The following TRANK1 variants were observed in gnomAD, a reference collection of about 807,000 sequenced individuals.
TRANK1 encodes tetratricopeptide repeat and ankyrin repeat containing 1.
TRANK1 carries 198 observed loss-of-function variants against 266.0 expected under a neutral mutation model. The observed-to-expected ratio is 0.74, with a 90% CI of 0.66 to 0.84. The LOEUF (loss-of-function observed/expected upper bound fraction) is 0.84. Among genes scored for constraint, TRANK1 ranks in the 40% least tolerant of loss-of-function variants. TRANK1 has a pLI of 0.00. For synonymous variants in TRANK1, 1,396 were observed against 1,384.1 expected, an observed-to-expected ratio of 1.01 and a Z score of -0.19; for missense variants, 3,326 against 3,634.6, an observed-to-expected ratio of 0.92 and a Z score of 2.18.
chr3:36,833,742 T>C lies in TRANK1; in HGVS notation c.5841A>G (p.Lys1947=). The change falls in exon 22 of 24, where the codon AAA becomes AAG. Residue 1947 remains lysine, a synonymous_variant. Transcript: ENST00000645898. ...EDQLVFLKSR[K]RLAEAADLLN... Reference sequence around the variant, plus strand: ...GCAGGTCTGCAGCTTCTGCTAAGCGTTTCCGAGACTTCAAGAACACCAGCT... The same window carrying C: ...GCAGGTCTGCAGCTTCTGCTAAGCGCTTCCGAGACTTCAAGAACACCAGCT... 6.2e-7 allele frequency: 1 copy of C among 1,614,020 alleles called. No homozygotes were observed. The highest frequency in any genetic ancestry group is 1.1e-5 in the South Asian group (1 of 91,088).
Position 36,856,238 on chromosome 3 carries a change from C to T in TRANK1, c.3484G>A (p.Ala1162Thr), listed in dbSNP as rs747615611. ...SIDEQEYEAC[A>T]GGAGVEPAGD... ...GCTGGCTCCACACCGGCTCCTCCTG[C>T]GCAGGCTTCATACTCCTGCTCATCT... Residue 1162 changes from alanine (A) to threonine (T), a missense_variant, in exon 13 of 24, where the codon GCA (alanine) becomes ACA (threonine). Transcript: ENST00000645898. 6.3e-5 allele frequency: 101 copies of T among 1,613,204 alleles called. No individual in the cohort carries two copies. The highest frequency in any genetic ancestry group is 5.1e-4 in the East Asian group (23 of 44,854).
intron 2 of TRANK1, among the ~76,000 whole-genome samples, chr3:36,905,427 G>A (rs958226058): frequency 5.9e-5 from 9 of 152,146 alleles, no homozygotes; most frequent in Non-Finnish European, 1.2e-4. Context: ...AAGAAGAGAC[G>A]CTGGAGAGCT....
intron 1 of TRANK1, among the ~76,000 whole-genome samples, chr3:36,908,917 A>G (rs933694908): frequency 6.6e-6 from 1 of 152,166 alleles, no homozygotes. Flanking sequence ...CTGACCCCAG[A>G]TCTGACCAAT....
intron 8 of TRANK1, among the ~76,000 whole-genome samples, chr3:36,888,821 C>G (rs762405461): frequency 4.6e-5 from 7 of 152,136 alleles, no homozygotes; most frequent in Non-Finnish European, 1.0e-4. Flanking sequence ...CTTTGGGAGG[C>G]CGAGGCAGGT....
intron 15 of TRANK1, 63 bp from the exon 16 acceptor site, chr3:36,847,409 C>T: frequency 1.9e-6 from 3 of 1,563,112 alleles, no homozygotes; most frequent in Non-Finnish European, 2.6e-6. Flanking sequence ...ATACAGCCTC[C>T]CTGAGCTTCA....
rs977849421 is a variant in TRANK1 at position 36,889,876 on chromosome 3, G to C, written c.860C>G (p.Thr287Ser). 1.3e-6 allele frequency: 2 copies of C among 1,537,166 alleles called. No homozygotes were observed. Among genetic ancestry groups the C allele is most frequent in the Non-Finnish European group, 1.7e-6 (2 of 1,146,928 alleles). Residue 287 changes from threonine to serine, a missense_variant, in exon 8 of 24, where the codon ACT becomes AGT. Physicochemically the swap from Thr to Ser is moderately conservative, Grantham distance 58. Coordinates refer to ENST00000645898, the MANE Select transcript of TRANK1 (RefSeq NM_001329998.2). ...RINQKDGDGC[T>S]VLHVVAAHSP... ...GTGGGCAGCGACGACGTGCAGGACA[G>C]TGCAGCCATCCCCATCCTTCTGGTT...
intron 9 of TRANK1, 32 bp downstream of exon 9, chr3:36,874,094 C>A: frequency 6.6e-7 from 1 of 1,513,644 alleles, no homozygotes; most frequent in East Asian, 2.5e-5. Flanking sequence ...CAGTTTTATG[C>A]CCCCCAAAAG....
At chr3:36,849,279 T>A (rs2078955750) in intron 15 of TRANK1, among the ~76,000 whole-genome samples, 1 of 152,156 alleles carries the variant, frequency 6.6e-6, no homozygotes, top group Non-Finnish European at 1.5e-5. Flanking sequence ...AAATGGCAGT[T>A]ACCCTTCTAA....
At chr3:36,889,706 G>A in intron 8 of TRANK1, 123 bp downstream of exon 8, 1 of 1,297,824 alleles carries the variant, frequency 7.7e-7, no homozygotes, top group Non-Finnish European at 1.0e-6. Context: ...AGTTCAAGGG[G>A]AAGTTTAGCC....
At chr3:36,866,562 G>A (rs1248299428) in intron 9 of TRANK1, among the ~76,000 whole-genome samples, 3 of 152,188 alleles carry the variant, frequency 2.0e-5, no homozygotes, top group Non-Finnish European at 2.9e-5. Flanking sequence ...GAAGGCTCTG[G>A]AGTGTGAGTC....
At chr3:36,830,734 A>C in intron 22 of TRANK1, 139 bp downstream of exon 22, 1 of 974,234 alleles carries the variant, frequency 1.0e-6, no homozygotes, top group South Asian at 1.9e-5. Context: ...GAGAATATAT[A>C]TTCCTCATTT....
At chr3:36,922,487 C>A (rs2080229511) in intron 1 of TRANK1, among the ~76,000 whole-genome samples, 1 of 152,060 alleles carries the variant, frequency 6.6e-6, no homozygotes, top group Non-Finnish European at 1.5e-5. Flanking sequence ...TGTCTGTAAT[C>A]CCAGCTACTC....
At chr3:36,853,907 T>C (rs770110554) in intron 13 of TRANK1, among the ~76,000 whole-genome samples, 4 of 151,318 alleles carry the variant, frequency 2.6e-5, no homozygotes, top group Non-Finnish European at 4.4e-5. Flanking sequence ...TTTTGAGGGG[T>C]TTTTAATTTC....
At position 36,899,245 on chromosome 3, in the gene TRANK1, A is replaced by G. The variant is rs539723566; in HGVS notation, c.297T>C (p.Ala99=). ...GGTGCAACCTCAGCAAGGAATAACC[A>G]GCTCGGTAGTATCCCTGGAACAGGA... ...DPTYVKGYYR[A]GYSLLRLHQP... The change falls in exon 4 of 24, where the codon GCT becomes GCC. Residue 99 remains alanine (A), a synonymous_variant. Transcript: ENST00000645898. The G allele has an allele frequency of 2.1e-5, 33 of 1,537,316 alleles. 1 individual carries two copies. In the South Asian group the frequency reaches 3.9e-4, roughly 18 times the overall value.
At chr3:36,844,137 A>G (rs1428570855) in intron 17 of TRANK1, among the ~76,000 whole-genome samples, 1 of 152,212 alleles carries the variant, frequency 6.6e-6, no homozygotes. Flanking sequence ...CAAAACATAA[A>G]ATAAATTGTG....
At chr3:36,871,712 T>G (rs2125570714) in intron 9 of TRANK1, among the ~76,000 whole-genome samples, 1 of 152,312 alleles carries the variant, frequency 6.6e-6, no homozygotes, top group Non-Finnish European at 1.5e-5. Flanking sequence ...TACCCCTCTC[T>G]CCTTGTTCTC....
chr3:36,901,466 G>A (rs193252991), intron 3 of TRANK1, among the ~76,000 whole-genome samples: 3 of 152,082 alleles, frequency 2.0e-5, no homozygotes, highest in African/African-American at 7.2e-5. Context: ...TTATCTTGTC[G>A]CATCCCCACA....
At chr3:36,916,814 T>C (rs553682703) in intron 1 of TRANK1, among the ~76,000 whole-genome samples, 1 of 151,724 alleles carries the variant, frequency 6.6e-6, no homozygotes, top group Non-Finnish European at 1.5e-5. Flanking sequence ...TTTTTTTTTT[T>C]GTTTTTTGTT....
At chr3:36,865,940 A>G (rs915750076) in intron 9 of TRANK1, among the ~76,000 whole-genome samples, 29 of 149,076 alleles carry the variant, frequency 1.9e-4, no homozygotes, top group Admixed American at 6.0e-4. Context: ...AAAGAAAAAA[A>G]AGAGAGAGAG....
Sources: allele counts gnomAD v4.1 joint callset (sites outside exome capture counted in the v4.1 genomes callset), GRCh38; gene constraint gnomAD v4.1.1; transcripts MANE v1.5; gene names NCBI Gene and HGNC (gene_info 2026-07-23, HGNC 2026-07-21).